DPYD: variants seen among roughly 807,000 people sequenced by gnomAD.
DPYD encodes the protein dihydropyrimidine dehydrogenase [NADP(+)].
Under a neutral mutation model 116.2 loss-of-function variants are expected in DPYD, and 109 were observed. The ratio of observed to expected loss-of-function variants is 0.94; its 90% CI spans 0.80 to 1.10. DPYD has a LOEUF of 1.10. Among genes scored for constraint, DPYD ranks in the 50% least tolerant of loss-of-function variants. DPYD has a pLI of 0.00. For synonymous variants in DPYD, 440 were observed against 432.0 expected, an observed-to-expected ratio of 1.02 and a Z score of -0.23; for missense variants, 1,302 against 1,254.5, an observed-to-expected ratio of 1.04 and a Z score of -0.57.
At chr1:97,576,623 T>C (rs993069074) in intron 10 of DPYD, among the ~76,000 whole-genome samples, 1 of 152,226 alleles carries the variant, frequency 6.6e-6, no homozygotes, top group Admixed American at 6.5e-5. Context: ...TTTAGTAATG[T>C]TCTCACCATG....
chr1:97,499,996 C>T (rs1362107779), intron 13 of DPYD, among the ~76,000 whole-genome samples: 1 of 151,890 alleles, frequency 6.6e-6, no homozygotes, highest in Non-Finnish European at 1.5e-5. Context: ...TGTGTATGTA[C>T]CTAACATCAT....
At chr1:97,662,035 C>T (rs1170626200) in intron 8 of DPYD, among the ~76,000 whole-genome samples, 4 of 145,452 alleles carry the variant, frequency 2.8e-5, no homozygotes, top group African/African-American at 1.0e-4. Context: ...CGCTCCGTCG[C>T]CCAGGCTGGA....
intron 4 of DPYD, among the ~76,000 whole-genome samples, chr1:97,732,914 C>T (rs188393794): frequency 1.7e-3 from 255 of 151,976 alleles, no homozygotes; most frequent in Non-Finnish European, 2.9e-3. Flanking sequence ...TAGTTTTACA[C>T]GCAGAAAAAA....
chr1:97,475,167 T>C (rs1214696279), intron 13 of DPYD, among the ~76,000 whole-genome samples: 1 of 152,150 alleles, frequency 6.6e-6, no homozygotes, highest in African/African-American at 2.4e-5. Context: ...GAATCTGATA[T>C]ATAGTTAGGC....
At chr1:97,865,425 T>C (rs1424490530) in intron 2 of DPYD, among the ~76,000 whole-genome samples, 1 of 151,948 alleles carries the variant, frequency 6.6e-6, no homozygotes, top group African/African-American at 2.4e-5. Context: ...AGACCTAAAA[T>C]CCATGATTTA....
chr1:97,485,551 T>C (rs1252510167), intron 13 of DPYD, among the ~76,000 whole-genome samples: 2 of 152,162 alleles, frequency 1.3e-5, no homozygotes, highest in Non-Finnish European at 2.9e-5. Flanking sequence ...TGTCATTTAA[T>C]ATTTTATTCA....
chr1:97,560,600 A>C (rs1166599105), intron 11 of DPYD, among the ~76,000 whole-genome samples: 1 of 152,012 alleles, frequency 6.6e-6, no homozygotes, highest in Non-Finnish European at 1.5e-5. Flanking sequence ...CTCATGTATT[A>C]CATCCTGCTG....
intron 15 of DPYD, among the ~76,000 whole-genome samples, chr1:97,379,412 A>G (rs1671811669): frequency 6.6e-6 from 1 of 152,222 alleles, no homozygotes; most frequent in African/African-American, 2.4e-5. Context: ...TTTGGACCAC[A>G]GCCAATTATA....
intron 8 of DPYD, among the ~76,000 whole-genome samples, chr1:97,614,702 T>C (rs1185722262): frequency 1.3e-5 from 2 of 152,032 alleles, no homozygotes; most frequent in African/African-American, 4.8e-5. Flanking sequence ...CTTTTCAATA[T>C]GTATTTTAAA....
chr1:97,123,391 T>C (rs572791414), intron 20 of DPYD, among the ~76,000 whole-genome samples: 115 of 152,240 alleles, frequency 7.6e-4, no homozygotes, highest in African/African-American at 2.7e-3. Flanking sequence ...CCTCTGAAAT[T>C]GGTATTATGC....
chr1:97,726,917 A>T (rs1166172606), intron 4 of DPYD, among the ~76,000 whole-genome samples: 1 of 151,726 alleles, frequency 6.6e-6, no homozygotes, highest in Non-Finnish European at 1.5e-5. Context: ...TATAGCTGTC[A>T]AACTATGAGT....
intron 2 of DPYD, among the ~76,000 whole-genome samples, chr1:97,830,068 G>A (rs901531216): frequency 1.3e-5 from 2 of 152,046 alleles, no homozygotes; most frequent in Non-Finnish European, 2.9e-5. Flanking sequence ...TCCCTTCAAA[G>A]GACATGAATT....
intron 3 of DPYD, among the ~76,000 whole-genome samples, chr1:97,815,694 G>A (rs192499319): frequency 3.9e-5 from 6 of 152,262 alleles, no homozygotes; most frequent in Non-Finnish European, 1.5e-5. Flanking sequence ...TGAGGGTGAG[G>A]AGCAAAATGG....
At chr1:97,685,533 G>C (rs1199040187) in intron 7 of DPYD, among the ~76,000 whole-genome samples, 1 of 152,130 alleles carries the variant, frequency 6.6e-6, no homozygotes, top group East Asian at 1.9e-4. Flanking sequence ...TATTCAAATA[G>C]GAAAAGAGGA....
intron 16 of DPYD, among the ~76,000 whole-genome samples, chr1:97,349,941 A>G: frequency 1.6e-5 from 1 of 64,314 alleles, no homozygotes; most frequent in East Asian, 5.6e-4. Context: ...ATTCTAAAAG[A>G]ATCCAAAAAA....
At chr1:97,647,692 T>C (rs1363245379) in intron 8 of DPYD, among the ~76,000 whole-genome samples, 1 of 152,028 alleles carries the variant, frequency 6.6e-6, no homozygotes, top group Non-Finnish European at 1.5e-5. Flanking sequence ...CCATATTATA[T>C]CTGCATAGTA....
At chr1:97,463,893 G>A (rs771643212) in intron 13 of DPYD, among the ~76,000 whole-genome samples, 27 of 152,104 alleles carry the variant, frequency 1.8e-4, no homozygotes, top group Non-Finnish European at 3.4e-4. Flanking sequence ...TGACTTGGGT[G>A]GTGTTAAAGG....
At chr1:97,156,297 C>T (rs145284087) in intron 20 of DPYD, among the ~76,000 whole-genome samples, 1 of 152,032 alleles carries the variant, frequency 6.6e-6, no homozygotes. Context: ...AAACTGCATT[C>T]TTTAAAGAAA....
At chr1:97,655,845 G>A (rs1173959385) in intron 8 of DPYD, among the ~76,000 whole-genome samples, 1 of 152,156 alleles carries the variant, frequency 6.6e-6, no homozygotes, top group Non-Finnish European at 1.5e-5. Flanking sequence ...GACGTTAAAG[G>A]TTCTTTTTGA....
Sources: gnomAD v4.1 joint callset for allele counts (sites outside exome capture counted in the v4.1 genomes callset) on GRCh38, gnomAD v4.1.1 for gene constraint, MANE v1.5 for transcripts, NCBI Gene and HGNC (gene_info 2026-07-23, HGNC 2026-07-21) for gene names.